The following TENM1 variants were observed in gnomAD, a reference collection of about 807,000 sequenced individuals.
TENM1 encodes teneurin transmembrane protein 1, also known as teneurin-1.
Under a neutral mutation model 174.8 loss-of-function variants are expected in TENM1, and 35 were observed. The ratio of observed to expected loss-of-function variants is 0.20; its 90% CI spans 0.15 to 0.27. The LOEUF is 0.27. Ranked by LOEUF, TENM1 falls within the 10% of genes least tolerant of loss-of-function variation. The pLI, the probability that TENM1 is intolerant of heterozygous loss-of-function variation, is 1.00. For synonymous variants in TENM1, 781 were observed against 798.7 expected (o/e 0.98, Z 0.37); for missense variants, 1,633 against 2,130.1 (o/e 0.77, Z 4.59).
At chrX:125,026,627 T>C in the TENM1 span, among the ~76,000 whole-genome samples, 1 of 111,935 alleles carries the variant, frequency 8.9e-6, no homozygotes, top group Admixed American at 9.5e-5. Context: ...GCAAAAATCC[T>C]TAAAAGAAAT....
chrX:125,160,133 G>C, the TENM1 span, among the ~76,000 whole-genome samples: 15 of 105,611 alleles, frequency 1.4e-4, no homozygotes, highest in Admixed American at 1.0e-3. Context: ...CTGGGAGGCA[G>C]AGATTGTAGT....
intron 3 of TENM1, among the ~76,000 whole-genome samples, chrX:124,740,384 T>G (rs187015403): frequency 6.1e-4 from 68 of 111,679 alleles, no homozygotes; most frequent in African/African-American, 2.0e-3. Context: ...TGCAACTCTA[T>G]TATGAAAAAT....
intron 11 of TENM1, among the ~76,000 whole-genome samples, chrX:124,640,789 T>G (rs941963445): frequency 9.1e-6 from 1 of 109,396 alleles, no homozygotes; most frequent in African/African-American, 3.3e-5. Flanking sequence ...TGAAACCCCA[T>G]CTCTACTAAA....
At chrX:124,377,532 TTAAA>T (rs2060116148) in exon 32 of TENM1, 1 of 111,977 alleles carries the variant, frequency 8.9e-6, no homozygotes, top group African/African-American at 3.2e-5. Flanking sequence ...GTAAACATAT[TTAAA>T]TGTGTTAAAC....
chrX:124,947,242 G>T (rs2058416824), intron 1 of TENM1, among the ~76,000 whole-genome samples: 1 of 111,140 alleles, frequency 9.0e-6, no homozygotes, highest in Non-Finnish European at 1.9e-5. Flanking sequence ...GAGGGCTCAG[G>T]GTATACCATT....
exon 32 of TENM1, chrX:124,380,710 C>T: frequency 8.3e-7 from 1 of 1,211,681 alleles, no homozygotes; most frequent in South Asian, 1.8e-5. Flanking sequence ...CCTCTTCCCC[C>T]TCTTGCAGCC....
intron 3 of TENM1, among the ~76,000 whole-genome samples, chrX:124,777,082 C>A (rs1293089139): frequency 9.0e-6 from 1 of 110,830 alleles, no homozygotes; most frequent in Non-Finnish European, 1.9e-5. Flanking sequence ...AGTCATCCTC[C>A]TTCTCATGTT....
chrX:125,161,837 C>T, the TENM1 span, among the ~76,000 whole-genome samples: 1 of 110,513 alleles, frequency 9.0e-6, no homozygotes, highest in African/African-American at 3.4e-5. Flanking sequence ...AGTCTAGTTC[C>T]AGACCCAGAC....
At chrX:124,469,834 G>A (rs1320340972) in intron 22 of TENM1, among the ~76,000 whole-genome samples, 1 of 111,634 alleles carries the variant, frequency 9.0e-6, no homozygotes, top group African/African-American at 3.3e-5. Context: ...TAGAAAAACT[G>A]GAAGGGGATA....
rs566292081 is a variant in TENM1 at position 124,718,325 on chromosome X, T to C, written c.777-13074A>G. On this transcript the variant is annotated intron_variant, in intron 4 of 31. Coordinates refer to ENST00000422452, the Ensembl canonical transcript of TENM1. Reference sequence around the variant, plus strand: ...GTTAGAAGATCATTCGTTAGTTGCTTCAGGGGTCACTCTGGTCTCCTTTGC... The same window carrying C: ...GTTAGAAGATCATTCGTTAGTTGCTCCAGGGGTCACTCTGGTCTCCTTTGC... Among the ~76,000 whole-genome samples, 22 of 112,373 alleles carry C rather than the reference T, an allele frequency of 2.0e-4. No individual in the cohort carries two copies. In the South Asian group the frequency reaches 8.2e-3, roughly 42 times the overall value.
intron 20 of TENM1, among the ~76,000 whole-genome samples, chrX:124,489,219 G>A (rs1429408016): frequency 2.7e-5 from 3 of 112,620 alleles, no homozygotes; most frequent in African/African-American, 9.7e-5. Context: ...AGCTTGCCAT[G>A]AGTTAGGAGG....
intron 1 of TENM1, among the ~76,000 whole-genome samples, chrX:124,952,785 A>G (rs760714826): frequency 3.6e-5 from 4 of 111,596 alleles, no homozygotes; most frequent in Admixed American, 9.5e-5. Context: ...CCATGACATA[A>G]AAGACACAAA....
chrX:124,474,505 T>C (rs1186182870), intron 22 of TENM1, among the ~76,000 whole-genome samples: 2 of 111,809 alleles, frequency 1.8e-5, no homozygotes, highest in African/African-American at 3.2e-5. Context: ...TTAAGACAAA[T>C]GCAGAAGAAA....
intron 3 of TENM1, among the ~76,000 whole-genome samples, chrX:124,831,517 C>T (rs186155338): frequency 1.2e-3 from 135 of 111,897 alleles, no homozygotes; most frequent in African/African-American, 4.3e-3. Context: ...ACTGTTTATC[C>T]AATGGTCCAG....
chrX:124,425,467 G>A (rs2060701632), intron 23 of TENM1, among the ~76,000 whole-genome samples: 1 of 111,555 alleles, frequency 9.0e-6, no homozygotes, highest in Non-Finnish European at 1.9e-5. Flanking sequence ...TCCCCATGAT[G>A]GGACTGGTGG....
the TENM1 span, among the ~76,000 whole-genome samples, chrX:125,037,222 G>A: frequency 1.8e-5 from 2 of 109,961 alleles, no homozygotes; most frequent in East Asian, 5.8e-4. Flanking sequence ...TCTGGTCTCT[G>A]CTTGAAATAA....
the TENM1 span, among the ~76,000 whole-genome samples, chrX:125,168,051 G>A: frequency 5.1e-4 from 57 of 111,615 alleles, no homozygotes; most frequent in African/African-American, 1.9e-3. Context: ...CTGTGTGTTT[G>A]TCATATTGTA....
At chrX:125,082,419 C>G in the TENM1 span, among the ~76,000 whole-genome samples, 2 of 111,114 alleles carry the variant, frequency 1.8e-5, no homozygotes, top group African/African-American at 6.5e-5. Flanking sequence ...AAGATGAATT[C>G]TCACATTGAT....
the TENM1 span, among the ~76,000 whole-genome samples, chrX:125,139,412 G>A: frequency 1.1e-3 from 121 of 111,153 alleles, no homozygotes; most frequent in Middle Eastern, 4.6e-3. Flanking sequence ...TAGCCCTCCC[G>A]AAGCTACCAC....
Sources: allele counts gnomAD v4.1 joint callset (sites outside exome capture counted in the v4.1 genomes callset), GRCh38; gene constraint gnomAD v4.1.1; transcripts MANE v1.5; gene names NCBI Gene and HGNC (gene_info 2026-07-23, HGNC 2026-07-21).